The following CNTN3 variants were observed in gnomAD, a reference collection of about 807,000 sequenced individuals.
CNTN3 encodes contactin 3, also known as contactin-3.
In CNTN3, 60 loss-of-function variants were observed where a neutral mutation model predicts 119.1. That is an observed-to-expected ratio of 0.50 (90% CI 0.41 to 0.62). CNTN3 has a LOEUF of 0.62. CNTN3 is among the 20% of genes least tolerant of loss of function. The pLI, the probability that CNTN3 is intolerant of heterozygous loss-of-function variation, is 0.00. For missense variants in CNTN3, 1,101 were observed against 1,242.4 expected (o/e 0.89, Z 1.71); for synonymous variants, 450 against 438.7 (o/e 1.03, Z -0.32).
At chr3:74,475,047 C>T (rs1702630360) in intron 4 of CNTN3, among the ~76,000 whole-genome samples, 1 of 152,226 alleles carries the variant, frequency 6.6e-6, no homozygotes, top group South Asian at 2.1e-4. Context: ...CCAATCAGAA[C>T]TTTTTTACTT....
intron 1 of CNTN3, among the ~76,000 whole-genome samples, chr3:74,605,398 T>C (rs1006565422): frequency 1.3e-5 from 2 of 152,112 alleles, no homozygotes; most frequent in African/African-American, 4.8e-5. Flanking sequence ...ATACAATAAA[T>C]ATATATAATT....
intron 1 of CNTN3, among the ~76,000 whole-genome samples, chr3:74,541,057 G>A (rs901488823): frequency 6.6e-6 from 1 of 152,052 alleles, no homozygotes; most frequent in South Asian, 2.1e-4. Flanking sequence ...ACTAATAGCA[G>A]GAAGTAAAAA....
intron 1 of CNTN3, among the ~76,000 whole-genome samples, chr3:74,602,775 T>C (rs1458038549): frequency 1.3e-5 from 2 of 152,170 alleles, no homozygotes; most frequent in African/African-American, 2.4e-5. Context: ...ATTAGCCCTG[T>C]GACTTCTGGC....
intron 4 of CNTN3, among the ~76,000 whole-genome samples, chr3:74,433,097 C>T (rs945244434): frequency 6.6e-6 from 1 of 152,064 alleles, no homozygotes; most frequent in Non-Finnish European, 1.5e-5. Context: ...ATCGAAATTG[C>T]TACTGCAGTC....
At chr3:74,353,448 G>A (rs1011624435) in intron 11 of CNTN3, among the ~76,000 whole-genome samples, 7 of 152,170 alleles carry the variant, frequency 4.6e-5, no homozygotes, top group African/African-American at 1.7e-4. Context: ...ATGTAAAACT[G>A]CATGTAACTT....
chr3:74,408,358 T>G (rs971835318), intron 5 of CNTN3, among the ~76,000 whole-genome samples: 1 of 152,194 alleles, frequency 6.6e-6, no homozygotes, highest in Non-Finnish European at 1.5e-5. Flanking sequence ...ATTGAGTAAG[T>G]CTTATCCTGG....
At chr3:74,323,550 T>C (rs1446146610) in intron 13 of CNTN3, among the ~76,000 whole-genome samples, 2 of 152,198 alleles carry the variant, frequency 1.3e-5, no homozygotes, top group East Asian at 1.9e-4. Flanking sequence ...TCTGTGAATA[T>C]GTTAGAAGCC....
intron 1 of CNTN3, among the ~76,000 whole-genome samples, chr3:74,590,755 T>C (rs1051828900): frequency 6.6e-6 from 1 of 152,006 alleles, no homozygotes. Context: ...GCAACTTTTA[T>C]GCCAATCAAA....
intron 1 of CNTN3, among the ~76,000 whole-genome samples, chr3:74,587,183 G>C (rs899477553): frequency 6.6e-6 from 1 of 152,042 alleles, no homozygotes; most frequent in Admixed American, 6.6e-5. Context: ...GGTGGGGGCA[G>C]AAGGAGGCAG....
At chr3:74,611,450 TCC>T (rs1284194992) in intron 1 of CNTN3, among the ~76,000 whole-genome samples, 3 of 152,262 alleles carry the variant, frequency 2.0e-5, no homozygotes, top group East Asian at 3.9e-4. Context: ...CAGCAATTTT[TCC>T]AAAGAAATGT....
chr3:74,585,499 G>C (rs1704578457), intron 1 of CNTN3, among the ~76,000 whole-genome samples: 1 of 152,106 alleles, frequency 6.6e-6, no homozygotes, highest in African/African-American at 2.4e-5. Flanking sequence ...TTTTAGAGAA[G>C]TAAAGTATTA....
At chr3:74,542,684 T>C (rs1290553961) in intron 1 of CNTN3, among the ~76,000 whole-genome samples, 3 of 152,234 alleles carry the variant, frequency 2.0e-5, no homozygotes, top group Non-Finnish European at 4.4e-5. Flanking sequence ...GTCTTGACTG[T>C]AGCTAACAGT....
In CNTN3 at chr3:74,418,382, C is replaced by T. The variant is rs137860291; in HGVS notation, c.454+6463G>A. ...TTTGAGTCAGAGTCTCACTCTGTTGCCCAGGCTGGAGTGCAATGGCGCGAC... is the reference window on the plus strand; with the variant it reads ...TTTGAGTCAGAGTCTCACTCTGTTGTCCAGGCTGGAGTGCAATGGCGCGAC... On this transcript the variant is annotated intron_variant, in intron 5 of 22. Coordinates refer to ENST00000263665, the MANE Select transcript of CNTN3 (RefSeq NM_020872.3). Among the ~76,000 whole-genome samples, 871 of 137,064 alleles carry T rather than the reference C, an allele frequency of 6.4e-3. 9 individuals carry two copies. The highest frequency in any genetic ancestry group is 0.022 in the African/African-American group (806 of 36,240). 89.9% of individuals were successfully genotyped at this position (137,064 alleles called of 152,430 possible).
Position 74,377,633 on chromosome 3 carries a change from C to T in CNTN3, c.455-6234G>A, listed in dbSNP as rs115286528. Among the ~76,000 whole-genome samples, 1,176 of 152,226 alleles carry T rather than the reference C, an allele frequency of 7.7e-3. 17 individuals are homozygous for T. Among genetic ancestry groups the T allele is most frequent in the Non-Finnish European group, 6.6e-3 (452 of 68,000 alleles). On this transcript the variant is annotated intron_variant, in intron 5 of 22. Coordinates refer to ENST00000263665, the MANE Select transcript of CNTN3 (RefSeq NM_020872.3). ...AAGCACATTATGCCAAACGATTTGGCCAGTGGGCTTTCTATTAACAATGCT... is the reference window on the plus strand; with the variant it reads ...AAGCACATTATGCCAAACGATTTGGTCAGTGGGCTTTCTATTAACAATGCT...
At chr3:74,288,474 T>G (rs1702161540) in intron 19 of CNTN3, among the ~76,000 whole-genome samples, 1 of 152,018 alleles carries the variant, frequency 6.6e-6, no homozygotes, top group Admixed American at 6.6e-5. Context: ...CTTTTTTCAT[T>G]CTAATTCAAA....
At chr3:74,461,303 C>T (rs768419815) in intron 4 of CNTN3, among the ~76,000 whole-genome samples, 10 of 151,952 alleles carry the variant, frequency 6.6e-5, no homozygotes, top group Non-Finnish European at 1.0e-4. Flanking sequence ...TCCTCCTCTT[C>T]CTTTGTTCAT....
chr3:74,388,318 T>G (rs181428721), intron 5 of CNTN3, among the ~76,000 whole-genome samples: 282 of 152,252 alleles, frequency 1.9e-3, no homozygotes, highest in Non-Finnish European at 3.3e-3. Flanking sequence ...ATATAAAGTA[T>G]CCCCAGAATA....
chr3:74,486,435 G>A, intron 4 of CNTN3, 21 bp downstream of exon 4: 1 of 1,561,660 alleles, frequency 6.4e-7, no homozygotes, highest in Non-Finnish European at 8.6e-7. Flanking sequence ...GGATTTGCTA[G>A]ACATGTGAAC....
intron 1 of CNTN3, among the ~76,000 whole-genome samples, chr3:74,533,903 T>C (rs995135075): frequency 6.6e-6 from 1 of 152,032 alleles, no homozygotes; most frequent in African/African-American, 2.4e-5. Flanking sequence ...TACTGGCACC[T>C]AGGGGTTAGG....
Sources: allele counts gnomAD v4.1 joint callset (sites outside exome capture counted in the v4.1 genomes callset), GRCh38; gene constraint gnomAD v4.1.1; transcripts MANE v1.5; gene names NCBI Gene and HGNC (gene_info 2026-07-23, HGNC 2026-07-21).